The following RSBN1 variants were observed in gnomAD, a reference collection of about 807,000 sequenced individuals.
RSBN1 encodes the protein lysine-specific demethylase 9.
RSBN1 carries 23 observed loss-of-function variants against 74.8 expected under a neutral mutation model. The observed-to-expected ratio is 0.31, with a 90% CI of 0.22 to 0.44. The LOEUF is 0.44. Ranked by LOEUF, RSBN1 falls within the 20% of genes least tolerant of loss-of-function variation. The pLI is 1.00. For synonymous variants in RSBN1, 407 were observed against 379.6 expected (o/e 1.07, Z -0.84); for missense variants, 808 against 1,020.9 (o/e 0.79, Z 2.84).
chr1:113,811,845 C>G lies in RSBN1; in HGVS notation c.568G>C (p.Glu190Gln), dbSNP rs201928606. Residue 190 changes from glutamate (E) to glutamine (Q), a missense_variant, in exon 1 of 7, where the codon GAG becomes CAG. Glu to Gln is a conservative substitution (Grantham distance 29). This residue lies in a region of RSBN1 where 464 missense variants were observed against 401.0 expected (regional missense o/e 1.16). Coordinates refer to ENST00000261441, the MANE Select transcript of RSBN1 (RefSeq NM_018364.5). The part of the protein sequence containing the change: ...AAGPKHKGHK[E>Q]RHKHHHHRGP... The stretch of plus-strand genomic sequence containing the variant: ...CGGTGGTGATGGTGCTTGTGCCGCT[C>G]CTTGTGGCCCTTATGCTTGGGCCCG... 6.2e-7 allele frequency: 1 copy of G among 1,613,744 alleles called. No homozygotes were observed. Among genetic ancestry groups the G allele is most frequent in the Admixed American group, 1.7e-5 (1 of 60,008 alleles).
chr1:113,797,854 C>T lies in RSBN1; in HGVS notation c.886G>A (p.Gly296Arg). The T allele has an allele frequency of 6.2e-7, 1 of 1,613,702 alleles. No individual in the cohort carries two copies. The highest frequency in any genetic ancestry group is 8.5e-7 in the Non-Finnish European group (1 of 1,179,940). Residue 296 changes from glycine to arginine, a missense_variant, in exon 2 of 7, where the codon GGA becomes AGA. This residue lies in a region of RSBN1 where 85 missense variants were observed against 126.2 expected (regional missense o/e 0.67). Transcript: ENST00000261441. The part of the protein sequence containing the change: ...TRISKEILTQ[G>R]QINSTSGLNK... ...AGTCCTGAAGTGCTATTTATTTGTC[C>T]TTGGGTGAGAATTTCTTTACTGATG...
chr1:113,804,906 G>GT (rs1660671970), intron 1 of RSBN1, among the ~76,000 whole-genome samples: 1 of 39,672 alleles, frequency 2.5e-5, no homozygotes. Context: ...CTGGTCAAGA[G>GT]TAAAAAAAAA....
chr1:113,807,980 T>A (rs1055692381), intron 1 of RSBN1, among the ~76,000 whole-genome samples: 2 of 152,000 alleles, frequency 1.3e-5, no homozygotes, highest in Non-Finnish European at 2.9e-5. Flanking sequence ...CACACGTCTA[T>A]TAAAATTGCT....
rs533417369 is a variant in RSBN1 at position 113,811,861 on chromosome 1, C to A, written c.552G>T (p.Lys184Asn). The A allele has an allele frequency of 7.4e-6, 12 of 1,613,526 alleles. No individual in the cohort carries two copies. In the East Asian group the frequency reaches 2.2e-4, roughly 30 times the overall value. Residue 184 changes from lysine to asparagine, a missense_variant, in exon 1 of 7, where the codon AAG becomes AAT. Physicochemically the swap from Lys to Asn is moderately conservative, Grantham distance 94 (BLOSUM62 0). This residue lies in a region of RSBN1 where 464 missense variants were observed against 401.0 expected (regional missense o/e 1.16). Coordinates refer to ENST00000261441, the MANE Select transcript of RSBN1 (RefSeq NM_018364.5). ...TGTGCCGCTCCTTGTGGCCCTTATG[C>A]TTGGGCCCGGCCGCGCTCACCGTCA... Reference protein sequence around the residue: ...SPLTVSAAGPKHKGHKERHKH... With the variant: ...SPLTVSAAGPNHKGHKERHKH...
intron 1 of RSBN1, among the ~76,000 whole-genome samples, chr1:113,802,281 A>G (rs1263041788): frequency 1.3e-5 from 2 of 151,828 alleles, no homozygotes; most frequent in East Asian, 3.9e-4. Context: ...CTTAACAGCA[A>G]TTCTTATACT....
chr1:113,795,672 AAT>A (rs1407857443), intron 2 of RSBN1, among the ~76,000 whole-genome samples: 1 of 152,208 alleles, frequency 6.6e-6, no homozygotes, highest in African/African-American at 2.4e-5. Flanking sequence ...TTATTTTTTA[AAT>A]CTCAAAGTAA....
At chr1:113,804,991 A>AAGACAGCC (rs1238649078) in intron 1 of RSBN1, among the ~76,000 whole-genome samples, 3 of 152,088 alleles carry the variant, frequency 2.0e-5, no homozygotes, top group Admixed American at 6.5e-5. Context: ...GACATTGGAG[A>AAGACAGCC]AGACAGCCTA....
At chr1:113,811,660 G>A (rs904065642) in intron 1 of RSBN1, 50 bp downstream of exon 1, 2 of 1,519,468 alleles carry the variant, frequency 1.3e-6, no homozygotes, top group Admixed American at 2.1e-5. Flanking sequence ...GCGGGATATC[G>A]GAACTGAGAG....
intron 2 of RSBN1, among the ~76,000 whole-genome samples, chr1:113,778,306 CT>C (rs1328922762): frequency 9.6e-6 from 1 of 104,558 alleles, no homozygotes; most frequent in Non-Finnish European, 2.1e-5. Context: ...TTTTTTTTTC[CT>C]TTTTTTTGAG....
intron 2 of RSBN1, among the ~76,000 whole-genome samples, chr1:113,796,822 A>C (rs539149127): frequency 2.6e-5 from 4 of 152,230 alleles, no homozygotes; most frequent in Non-Finnish European, 5.9e-5. Flanking sequence ...GGCTTCAAAA[A>C]ATGTCTTCAC....
intron 3 of RSBN1, 50 bp from the exon 4 acceptor site, chr1:113,777,402 T>C (rs112781731): frequency 6.4e-7 from 1 of 1,555,854 alleles, no homozygotes; most frequent in East Asian, 2.3e-5. Context: ...CAATGATTTA[T>C]AAGTTAATCC....
chr1:113,766,961 A>C, intron 6 of RSBN1, 138 bp downstream of exon 6: 1 of 538,690 alleles, frequency 1.9e-6, no homozygotes, highest in Admixed American at 3.5e-5. Context: ...TTTCAGCACC[A>C]CCCCCACCCC....
chr1:113,793,233 G>A (rs1660402756), intron 2 of RSBN1, among the ~76,000 whole-genome samples: 1 of 152,142 alleles, frequency 6.6e-6, no homozygotes, highest in South Asian at 2.1e-4. Flanking sequence ...CCCTGGTGGT[G>A]CCAAATTCAT....
At position 113,804,275 on chromosome 1, in the gene RSBN1, T is replaced by C. The variant is rs141163324; in HGVS notation, c.704-6239A>G. 9.0e-3 allele frequency among the ~76,000 whole-genome samples: 1,365 copies of C among 152,288 alleles called. 13 individuals carry two copies. The highest frequency in any genetic ancestry group is 0.017 in the Middle Eastern group (5 of 294). ...AAGAGAAACACATAAGAAAGATCTC[T>C]GAAAGAGGAAAGAAAACGTATTTGC... On this transcript the variant is annotated intron_variant, in intron 1 of 6. Transcript: ENST00000261441.
At chr1:113,807,959 T>C (rs1339978273) in intron 1 of RSBN1, among the ~76,000 whole-genome samples, 2 of 152,012 alleles carry the variant, frequency 1.3e-5, no homozygotes, top group Admixed American at 6.6e-5. Context: ...AAGATCATGA[T>C]GATGTATCAC....
chr1:113,799,110 C>T (rs896073248), intron 1 of RSBN1, among the ~76,000 whole-genome samples: 1 of 152,196 alleles, frequency 6.6e-6, no homozygotes, highest in Admixed American at 6.5e-5. Flanking sequence ...CATGTACATT[C>T]TGATCCCATT....
chr1:113,795,331 T>C (rs902293719), intron 2 of RSBN1, among the ~76,000 whole-genome samples: 1 of 152,208 alleles, frequency 6.6e-6, no homozygotes, highest in Non-Finnish European at 1.5e-5. Context: ...ACAGATAAAA[T>C]TGCTTACCTA....
intron 1 of RSBN1, among the ~76,000 whole-genome samples, chr1:113,810,961 A>C (rs1348710826): frequency 6.6e-6 from 1 of 152,184 alleles, no homozygotes; most frequent in Non-Finnish European, 1.5e-5. Context: ...TTTCTAGTAA[A>C]ATATTCTTGA....
chr1:113,780,799 C>G (rs1374428763), intron 2 of RSBN1, among the ~76,000 whole-genome samples: 1 of 152,216 alleles, frequency 6.6e-6, no homozygotes, highest in African/African-American at 2.4e-5. Flanking sequence ...AATACTAGGA[C>G]TGGATTTTGA....
Sources: allele counts gnomAD v4.1 joint callset (sites outside exome capture counted in the v4.1 genomes callset), GRCh38; gene constraint gnomAD v4.1.1; regional missense constraint gnomAD v4.1.1; transcripts MANE v1.5; gene names NCBI Gene and HGNC (gene_info 2026-07-23, HGNC 2026-07-21).